VPS13B: variants seen among roughly 807,000 people sequenced by gnomAD.
VPS13B encodes intermembrane lipid transfer protein VPS13B.
VPS13B carries 285 observed loss-of-function variants against 426.4 expected under a neutral mutation model. The ratio of observed to expected loss-of-function variants is 0.67; its 90% CI spans 0.61 to 0.74. VPS13B has a LOEUF of 0.74. VPS13B is among the 30% of genes least tolerant of loss of function. The pLI is 0.00. For missense variants in VPS13B, 4,537 were observed against 4,782.6 expected, an observed-to-expected ratio of 0.95 and a Z score of 1.51; for synonymous variants, 1,676 against 1,676.4, an observed-to-expected ratio of 1.00 and a Z score of 0.01.
chr8:99,778,368 G>C (rs1468362515), intron 41 of VPS13B, among the ~76,000 whole-genome samples: 1 of 152,082 alleles, frequency 6.6e-6, no homozygotes, highest in African/African-American at 2.4e-5. Context: ...CTACAGAGCA[G>C]TTCTATAAAA....
At chr8:99,565,544 T>C (rs552990330) in intron 31 of VPS13B, among the ~76,000 whole-genome samples, 1 of 152,252 alleles carries the variant, frequency 6.6e-6, no homozygotes, top group Admixed American at 6.5e-5. Flanking sequence ...TCCTAAACCA[T>C]ATATTTCTAG....
chr8:99,753,630 C>T (rs940595480), intron 39 of VPS13B, among the ~76,000 whole-genome samples: 5 of 152,108 alleles, frequency 3.3e-5, no homozygotes, highest in African/African-American at 4.8e-5. Context: ...TGCTTGAAAC[C>T]TGGTAGCTTG....
At chr8:99,824,747 C>A (rs1446025459) in intron 51 of VPS13B, among the ~76,000 whole-genome samples, 1 of 152,012 alleles carries the variant, frequency 6.6e-6, no homozygotes, top group Non-Finnish European at 1.5e-5. Flanking sequence ...CTGCGACAGG[C>A]CCTGGTGTGT....
chr8:99,683,331 G>C lies in VPS13B; in HGVS notation c.6047-16194G>C, dbSNP rs543522500. 6.6e-5 allele frequency among the ~76,000 whole-genome samples: 10 copies of C among 152,138 alleles called. No individual in the cohort carries two copies. The South Asian group carries it at 2.1e-3, about 32-fold the overall frequency. ...TCTCAAAAATGTTTTGGTTATTCTT[G>C]TTCCTTTGCTTTACTATGTAAATTT... On this transcript the variant is annotated intron_variant, in intron 35 of 61. Transcript: ENST00000357162.
At chr8:99,450,407 C>A (rs897604526) in intron 23 of VPS13B, among the ~76,000 whole-genome samples, 5 of 151,914 alleles carry the variant, frequency 3.3e-5, no homozygotes, top group African/African-American at 1.2e-4. Context: ...TTATGAAGAC[C>A]ATATGTTCAA....
intron 35 of VPS13B, chr8:99,697,032 G>T: frequency 1.8e-6 from 1 of 569,976 alleles, no homozygotes; most frequent in Non-Finnish European, 3.3e-6. Context: ...CTGAAGCAGT[G>T]TCTGGACCTG....
chr8:99,371,386 A>G (rs368512009), intron 19 of VPS13B, among the ~76,000 whole-genome samples: 17 of 152,348 alleles, frequency 1.1e-4, no homozygotes, highest in African/African-American at 3.6e-4. Context: ...GTTGAAGATC[A>G]GATGGTTGTA....
intron 31 of VPS13B, among the ~76,000 whole-genome samples, chr8:99,567,626 A>G (rs762069602): frequency 6.6e-6 from 1 of 152,080 alleles, no homozygotes; most frequent in Non-Finnish European, 1.5e-5. Flanking sequence ...AAGATGCTTT[A>G]TATGTCTTTA....
intron 17 of VPS13B, among the ~76,000 whole-genome samples, chr8:99,220,025 A>G (rs1424635087): frequency 1.3e-5 from 2 of 152,154 alleles, no homozygotes; most frequent in Admixed American, 1.3e-4. Flanking sequence ...TTTTTCTGAG[A>G]GTTTTGAACT....
chr8:99,375,821 A>G (rs1049340248), intron 19 of VPS13B, among the ~76,000 whole-genome samples: 17 of 152,342 alleles, frequency 1.1e-4, no homozygotes, highest in Non-Finnish European at 1.9e-4. Flanking sequence ...GAGTTTTAAC[A>G]ACTTAGATGT....
intron 17 of VPS13B, among the ~76,000 whole-genome samples, chr8:99,211,991 C>A (rs550530553): frequency 6.6e-6 from 1 of 151,802 alleles, no homozygotes; most frequent in East Asian, 2.0e-4. Flanking sequence ...CTCCCGGGTT[C>A]ATGCGATTCT....
intron 36 of VPS13B, among the ~76,000 whole-genome samples, chr8:99,707,512 A>G (rs1371628968): frequency 6.6e-6 from 1 of 152,220 alleles, no homozygotes; most frequent in Non-Finnish European, 1.5e-5. Flanking sequence ...AACCTTTATT[A>G]TCCTTTTCTC....
intron 19 of VPS13B, among the ~76,000 whole-genome samples, chr8:99,375,497 G>A (rs189346041): frequency 2.7e-4 from 41 of 152,194 alleles, no homozygotes; most frequent in Admixed American, 5.9e-4. Context: ...TGTATGTATT[G>A]TACCATACAT....
chr8:99,699,550 G>C lies in VPS13B; in HGVS notation c.6072G>C (p.Lys2024Asn). ...CGGATGTCAATTTGGATATATCAAAGCCTTTGAAAGCAAACCTGAGTTTCA... is the reference window on the plus strand; with the variant it reads ...CGGATGTCAATTTGGATATATCAAACCCTTTGAAAGCAAACCTGAGTTTCA... Reference protein sequence around the residue: ...GPADVNLDISKPLKANLSFTK... With the variant: ...GPADVNLDISNPLKANLSFTK... Residue 2024 changes from lysine to asparagine, a missense_variant, in exon 36 of 62, where the codon AAG becomes AAC. Physicochemically the swap from Lys to Asn is moderately conservative, Grantham distance 94 (BLOSUM62 0). Transcript: ENST00000357162. 1 of 1,613,834 alleles carries C rather than the reference G, an allele frequency of 6.2e-7. No homozygotes were observed. Among genetic ancestry groups the C allele is most frequent in the Non-Finnish European group, 8.5e-7 (1 of 1,180,002 alleles).
chr8:99,038,299 AC>A (rs1171797946), intron 2 of VPS13B, 123 bp from the exon 3 acceptor site: 1 of 723,230 alleles, frequency 1.4e-6, no homozygotes, highest in Non-Finnish European at 2.1e-6. Flanking sequence ...AATATTAAGC[AC>A]TAAACAATAA....
At position 99,477,973 on chromosome 8, in the gene VPS13B, G is replaced by A. The variant is rs868366312; in HGVS notation, c.3667-3626G>A. ...CCCTAAATACTATGCTTATTCCAAAGTTAAATGAGCCTGTCCTGTAATCCC... is the reference window on the plus strand; with the variant it reads ...CCCTAAATACTATGCTTATTCCAAAATTAAATGAGCCTGTCCTGTAATCCC... On this transcript the variant is annotated intron_variant, in intron 24 of 61. Coordinates refer to ENST00000357162, the MANE Select transcript of VPS13B (RefSeq NM_152564.5). 3.3e-5 allele frequency among the ~76,000 whole-genome samples: 5 copies of A among 151,886 alleles called. 1 individual carries two copies. In the Middle Eastern group the frequency reaches 0.01, roughly 310 times the overall value.
At chr8:99,077,212 G>C (rs1845177214) in intron 3 of VPS13B, among the ~76,000 whole-genome samples, 1 of 151,732 alleles carries the variant, frequency 6.6e-6, no homozygotes, top group South Asian at 2.1e-4. Context: ...CACGCTGGTT[G>C]CCCAGGTTGG....
intron 40 of VPS13B, among the ~76,000 whole-genome samples, chr8:99,769,300 A>G (rs1365814387): frequency 1.3e-5 from 2 of 152,236 alleles, no homozygotes; most frequent in Non-Finnish European, 1.5e-5. Flanking sequence ...AGTCAACAAA[A>G]TAAAACACTA....
chr8:99,824,031 A>G (rs905997810), intron 51 of VPS13B, 53 bp downstream of exon 51: 4 of 1,589,420 alleles, frequency 2.5e-6, no homozygotes, highest in African/African-American at 1.3e-5. Context: ...GAAACAATAA[A>G]TAGGATCAAC....
Sources: allele counts gnomAD v4.1 joint callset (sites outside exome capture counted in the v4.1 genomes callset), GRCh38; gene constraint gnomAD v4.1.1; transcripts MANE v1.5; gene names NCBI Gene and HGNC (gene_info 2026-07-23, HGNC 2026-07-21).